LRRC37A2: variants seen among roughly 807,000 people sequenced by gnomAD.
The protein encoded by LRRC37A2 is leucine rich repeat containing 37 member A2, also known as leucine-rich repeat-containing protein 37A2.
A neutral mutation model predicts 68.8 loss-of-function variants in LRRC37A2; 9 were observed. The observed-to-expected ratio is 0.13, with a 90% confidence interval of 0.08 to 0.23. LRRC37A2 has a LOEUF of 0.23. Among genes scored for constraint, LRRC37A2 ranks in the 10% least tolerant of loss-of-function variants. The pLI, the probability that LRRC37A2 is intolerant of heterozygous loss-of-function variation, is 1.00. For missense variants in LRRC37A2, 168 were observed against 950.4 expected, an observed-to-expected ratio of 0.18 and a Z score of 10.82; for synonymous variants, 63 against 367.6, an observed-to-expected ratio of 0.17 and a Z score of 9.48.
At chr17:46,910,057 T>A in the LRRC37A2 span, 1 of 150,330 alleles carries the variant, frequency 6.7e-6, no homozygotes, top group Admixed American at 6.8e-5. Flanking sequence ...AGAGGCAGCA[T>A]AGAGTAGGAA....
chr17:46,891,813 G>T, the LRRC37A2 span, among the ~76,000 whole-genome samples: 1 of 152,080 alleles, frequency 6.6e-6, no homozygotes, highest in African/African-American at 2.4e-5. Context: ...GAGCTTTCTT[G>T]GCTCCAAACT....
the LRRC37A2 span, among the ~76,000 whole-genome samples, chr17:46,909,227 C>T: frequency 2.6e-5 from 4 of 152,254 alleles, no homozygotes; most frequent in East Asian, 1.9e-4. Context: ...GATGAGGTTT[C>T]GCTATGTTGC....
the LRRC37A2 span, among the ~76,000 whole-genome samples, chr17:46,848,133 C>G: frequency 6.6e-6 from 1 of 152,098 alleles, no homozygotes; most frequent in African/African-American, 2.4e-5. Context: ...AACGTGTGGA[C>G]CCAGGACCAG....
chr17:46,790,680 C>G, the LRRC37A2 span, among the ~76,000 whole-genome samples: 2 of 152,310 alleles, frequency 1.3e-5, no homozygotes, highest in African/African-American at 4.8e-5. Flanking sequence ...AGCCCTCCCC[C>G]ATCATCTCTC....
chr17:46,970,397 T>C, the LRRC37A2 span, among the ~76,000 whole-genome samples: 3 of 151,966 alleles, frequency 2.0e-5, no homozygotes, highest in Admixed American at 6.6e-5. Flanking sequence ...AAAAATTAGC[T>C]GGGAGTGGTG....
At chr17:46,902,653 A>G in the LRRC37A2 span, among the ~76,000 whole-genome samples, 2 of 152,132 alleles carry the variant, frequency 1.3e-5, no homozygotes, top group Admixed American at 1.3e-4. Flanking sequence ...AAAGCCAGGA[A>G]TGAGTTTATC....
the LRRC37A2 span, among the ~76,000 whole-genome samples, chr17:46,758,459 G>A: frequency 2.0e-5 from 3 of 152,228 alleles, no homozygotes; most frequent in Non-Finnish European, 2.9e-5. Context: ...CTGTGAAGAA[G>A]CAAAGGAGGC....
chr17:46,807,660 C>T, the LRRC37A2 span, among the ~76,000 whole-genome samples: 2 of 152,190 alleles, frequency 1.3e-5, no homozygotes, highest in Non-Finnish European at 2.9e-5. Context: ...AATGTGTATC[C>T]CAAAGACAAG....
the LRRC37A2 span, among the ~76,000 whole-genome samples, chr17:46,744,222 T>TAG: frequency 6.6e-6 from 1 of 152,254 alleles, no homozygotes; most frequent in South Asian, 2.1e-4. Flanking sequence ...CTCATAATTC[T>TAG]ATTAAGTACC....
chr17:46,783,417 G>A, the LRRC37A2 span, among the ~76,000 whole-genome samples: 10 of 152,362 alleles, frequency 6.6e-5, no homozygotes, highest in African/African-American at 2.4e-4. Flanking sequence ...ATTGAGTGAT[G>A]ACTCTCAGCC....
the LRRC37A2 span, chr17:46,964,679 CA>C: frequency 4.6e-5 from 7 of 152,266 alleles, no homozygotes; most frequent in African/African-American, 1.4e-4. Context: ...GGTCACACAA[CA>C]AGTCAGTAGA....
At chr17:46,785,784 G>T in the LRRC37A2 span, among the ~76,000 whole-genome samples, 3 of 152,288 alleles carry the variant, frequency 2.0e-5, no homozygotes, top group African/African-American at 7.2e-5. Context: ...GAGGGAAGAG[G>T]CTGCGGGCCC....
At chr17:46,900,180 T>TACAC in the LRRC37A2 span, among the ~76,000 whole-genome samples, 1 of 117,234 alleles carries the variant, frequency 8.5e-6, no homozygotes, top group African/African-American at 4.6e-5. Flanking sequence ...TATATATATA[T>TACAC]ATATATATAT....
At chr17:46,949,967 C>G in the LRRC37A2 span, among the ~76,000 whole-genome samples, 1 of 152,190 alleles carries the variant, frequency 6.6e-6, no homozygotes, top group East Asian at 1.9e-4. Context: ...AGTCCCTGGT[C>G]CTCTGCACAC....
At chr17:46,500,505 C>A in the LRRC37A2 span, among the ~76,000 whole-genome samples, 1 of 149,778 alleles carries the variant, frequency 6.7e-6, no homozygotes, top group African/African-American at 2.5e-5. Context: ...TTTGTGGCAC[C>A]TCCACTTCAG....
the LRRC37A2 span, among the ~76,000 whole-genome samples, chr17:46,947,854 C>T: frequency 2.4e-4 from 36 of 152,296 alleles, no homozygotes; most frequent in Non-Finnish European, 4.3e-4. Context: ...CCGTAACCTC[C>T]GCCTCCCGGG....
At chr17:46,609,775 G>A in the LRRC37A2 span, among the ~76,000 whole-genome samples, 1 of 143,306 alleles carries the variant, frequency 7.0e-6, no homozygotes, top group Non-Finnish European at 1.6e-5. Flanking sequence ...ATGCAGCATT[G>A]AAGATGTGCA....
chr17:46,796,142 C>T, the LRRC37A2 span, among the ~76,000 whole-genome samples: 1 of 152,194 alleles, frequency 6.6e-6, no homozygotes, highest in East Asian at 1.9e-4. Context: ...ATTGCTACCA[C>T]CCATTACCAC....
chr17:46,788,190 A>T, the LRRC37A2 span, among the ~76,000 whole-genome samples: 2 of 152,306 alleles, frequency 1.3e-5, no homozygotes, highest in Middle Eastern at 3.4e-3. Flanking sequence ...GAGCTTGGCC[A>T]TCTGTTTCTT....
Sources: gnomAD v4.1 joint callset for allele counts (sites outside exome capture counted in the v4.1 genomes callset) on GRCh38, gnomAD v4.1.1 for gene constraint, MANE v1.5 for transcripts, NCBI Gene and HGNC (gene_info 2026-07-23, HGNC 2026-07-21) for gene names.